Variants in SYNE1 observed in about 807,000 individuals in gnomAD.
SYNE1 encodes the protein nesprin-1.
In SYNE1, 616 loss-of-function variants were observed where a neutral mutation model predicts 1,111.0. The ratio of observed to expected loss-of-function variants is 0.55; its 90% confidence interval spans 0.52 to 0.59. SYNE1 has a LOEUF of 0.59. SYNE1 is among the 20% of genes least tolerant of loss of function. The pLI is 0.00. For missense variants in SYNE1, 10,006 were observed against 10,417.0 expected, an observed-to-expected ratio of 0.96 and a Z score of 1.72; for synonymous variants, 3,855 against 3,825.8, an observed-to-expected ratio of 1.01 and a Z score of -0.28.
At chr6:152,203,539 T>C (rs574240794) in intron 126 of SYNE1, among the ~76,000 whole-genome samples, 1 of 152,320 alleles carries the variant, frequency 6.6e-6, no homozygotes, top group South Asian at 2.1e-4. Flanking sequence ...TAGTTGTCAA[T>C]ATGGTGTCAA....
In SYNE1 at chr6:152,222,684, C is replaced by T. The variant is rs751957166; in HGVS notation, c.21523-1125G>A. On this transcript the variant is annotated intron_variant, in intron 117 of 145. Transcript: ENST00000367255. ...TCCATTTTTGTCTAGCAAAGTTGAACTCATAGAAGTAGAGAGTAGAATGGT... is the reference window on the plus strand; with the variant it reads ...TCCATTTTTGTCTAGCAAAGTTGAATTCATAGAAGTAGAGAGTAGAATGGT... Among the ~76,000 whole-genome samples the T allele has an allele frequency of 2.6e-5, 4 of 151,970 alleles. No individual in the cohort carries two copies. The South Asian group carries it at 6.2e-4, about 24-fold the overall frequency.
chr6:152,404,926 G>T (rs1463277574), intron 45 of SYNE1: 1 of 152,374 alleles, frequency 6.6e-6, no homozygotes, highest in Non-Finnish European at 1.5e-5. Context: ...TTAGTTATAT[G>T]AAACCACAAA....
intron 3 of SYNE1, among the ~76,000 whole-genome samples, chr6:152,600,103 A>G (rs2099592614): frequency 6.6e-6 from 1 of 152,258 alleles, no homozygotes; most frequent in African/African-American, 2.4e-5. Flanking sequence ...CATTAAATGC[A>G]GTAGCAGTTG....
chr6:152,234,068 G>C, intron 111 of SYNE1, 105 bp from the exon 112 acceptor site: 1 of 1,205,356 alleles, frequency 8.3e-7, no homozygotes, highest in Non-Finnish European at 1.2e-6. Context: ...ACATCCTGGA[G>C]GGGGTTATGC....
chr6:152,441,023 T>C (rs371251036), intron 32 of SYNE1, 107 bp downstream of exon 32: 1 of 1,341,444 alleles, frequency 7.5e-7, no homozygotes, highest in Non-Finnish European at 1.1e-6. Flanking sequence ...ATAGTAAGTA[T>C]TGATTAAATT....
At chr6:152,178,385 G>C (rs1237134092) in intron 129 of SYNE1, among the ~76,000 whole-genome samples, 1 of 152,206 alleles carries the variant, frequency 6.6e-6, no homozygotes, top group Non-Finnish European at 1.5e-5. Context: ...ACCGTGAGCA[G>C]ATGCTAAAAT....
At chr6:152,634,720 G>A (rs1315128295) in intron 2 of SYNE1, among the ~76,000 whole-genome samples, 1 of 152,216 alleles carries the variant, frequency 6.6e-6, no homozygotes, top group African/African-American at 2.4e-5. Flanking sequence ...CAGCATGAAA[G>A]ATGTTCAGTG....
chr6:152,291,339 A>C (rs73007778), intron 95 of SYNE1, among the ~76,000 whole-genome samples: 25,391 of 150,708 alleles, frequency 0.17, 2,700 homozygotes, highest in South Asian at 0.3. Context: ...AATGACTGGT[A>C]ATCTTCACTA....
intron 3 of SYNE1, among the ~76,000 whole-genome samples, chr6:152,580,767 G>A (rs1187970384): frequency 2.6e-5 from 4 of 152,090 alleles, no homozygotes; most frequent in Non-Finnish European, 5.9e-5. Context: ...GAGGACCCAG[G>A]CATTGTGGAG....
At chr6:152,267,925 C>T in intron 100 of SYNE1, 131 bp downstream of exon 100, 2 of 797,162 alleles carry the variant, frequency 2.5e-6, no homozygotes, top group South Asian at 1.5e-5. Flanking sequence ...ACATTTACTA[C>T]CCTAAAGTAA....
At chr6:152,189,510 C>A in intron 127 of SYNE1, 103 bp from the exon 128 acceptor site, 1 of 1,082,160 alleles carries the variant, frequency 9.2e-7, no homozygotes, top group East Asian at 2.5e-5. Flanking sequence ...GTATAGCCCT[C>A]AATTTAAATA....
At chr6:152,135,305 T>C in intron 141 of SYNE1, 73 bp from the exon 142 acceptor site, 8 of 1,513,228 alleles carry the variant, frequency 5.3e-6, no homozygotes, top group Non-Finnish European at 7.2e-6. Flanking sequence ...GTCTTTCAAC[T>C]GCCACCATTA....
chr6:152,213,600 G>T lies in SYNE1; in HGVS notation c.22494+12C>A. The stretch of plus-strand genomic sequence containing the variant: ...ATTTCTTATTACCCCCAAATCTACT[G>T]ATACAACTTACCTCGTGTGCTCTCT... On this transcript the variant is annotated intron_variant, in intron 123 of 145. Transcript: ENST00000367255. 1 of 1,613,956 alleles carries T rather than the reference G, an allele frequency of 6.2e-7. No homozygotes were observed. Among genetic ancestry groups the T allele is most frequent in the Non-Finnish European group, 8.5e-7 (1 of 1,179,916 alleles).
intron 3 of SYNE1, among the ~76,000 whole-genome samples, chr6:152,548,995 T>C (rs1005881979): frequency 2.0e-5 from 3 of 152,256 alleles, no homozygotes; most frequent in African/African-American, 7.2e-5. Context: ...TATTAGAAGA[T>C]GTTTCCATCT....
chr6:152,453,464 G>A (rs2098668128), intron 25 of SYNE1, 122 bp downstream of exon 25: 2 of 1,454,324 alleles, frequency 1.4e-6, no homozygotes, highest in East Asian at 2.3e-5. Context: ...GTTTTTAAAT[G>A]AGCGAAATAG....
chr6:152,170,472 G>C (rs1173550170), intron 130 of SYNE1, among the ~76,000 whole-genome samples: 1 of 152,212 alleles, frequency 6.6e-6, no homozygotes, highest in Non-Finnish European at 1.5e-5. Flanking sequence ...GGGCCACACA[G>C]CAGGAACCAG....
intron 101 of SYNE1, among the ~76,000 whole-genome samples, chr6:152,261,518 C>A (rs1002583340): frequency 4.6e-5 from 7 of 152,182 alleles, no homozygotes; most frequent in Non-Finnish European, 5.9e-5. Context: ...GCAGATGGGT[C>A]CATAACTATT....
intron 3 of SYNE1, among the ~76,000 whole-genome samples, chr6:152,545,128 A>C (rs2099302784): frequency 6.6e-6 from 1 of 152,232 alleles, no homozygotes; most frequent in Non-Finnish European, 1.5e-5. Flanking sequence ...ACATTCTTCC[A>C]TAATAATTTA....
intron 3 of SYNE1, among the ~76,000 whole-genome samples, chr6:152,553,153 G>A (rs1037379858): frequency 2.0e-5 from 3 of 152,058 alleles, no homozygotes; most frequent in African/African-American, 4.8e-5. Flanking sequence ...TACATGTAAA[G>A]AGACTGGAGC....
Sources: allele counts gnomAD v4.1 joint callset (sites outside exome capture counted in the v4.1 genomes callset), GRCh38; gene constraint gnomAD v4.1.1; transcripts MANE v1.5; gene names NCBI Gene and HGNC (gene_info 2026-07-23, HGNC 2026-07-21).